The following SLC14A2 variants were observed in gnomAD, a reference collection of about 807,000 sequenced individuals.
SLC14A2 encodes the protein solute carrier family 14 member 2, also known as urea transporter 2.
A neutral mutation model predicts 104.6 loss-of-function variants in SLC14A2; 91 were observed. That is an observed-to-expected ratio of 0.87 (90% CI 0.73 to 1.04). The LOEUF is 1.04. SLC14A2 is among the 50% of genes least tolerant of loss of function. SLC14A2 has a pLI of 0.00. For missense variants in SLC14A2, 1,189 were observed against 1,156.0 expected (o/e 1.03, Z -0.41); for synonymous variants, 476 against 466.4 (o/e 1.02, Z -0.27).
intron 2 of SLC14A2, among the ~76,000 whole-genome samples, chr18:45,496,533 A>T (rs1036982538): frequency 6.6e-6 from 1 of 152,206 alleles, no homozygotes; most frequent in Non-Finnish European, 1.5e-5. Flanking sequence ...CACTTTAGGA[A>T]GCTGAGGCAG....
intron 10 of SLC14A2, among the ~76,000 whole-genome samples, chr18:45,660,562 A>G (rs1567998441): frequency 6.6e-6 from 1 of 152,236 alleles, no homozygotes; most frequent in Non-Finnish European, 1.5e-5. Flanking sequence ...CATCATTTAC[A>G]GTTTGGGTTT....
intron 2 of SLC14A2, among the ~76,000 whole-genome samples, chr18:45,606,765 A>C (rs1280180418): frequency 5.4e-5 from 4 of 73,636 alleles, no homozygotes; most frequent in Non-Finnish European, 6.2e-5. Context: ...AAAACAAAAA[A>C]AAAAAACACT....
rs147856907 is a variant in SLC14A2, at chr18:45,427,478, C to T, written c.-124-55755C>T. Among the ~76,000 whole-genome samples the T allele has an allele frequency of 4.7e-3, 717 of 152,230 alleles. 5 individuals carry two copies. The highest frequency in any genetic ancestry group is 0.017 in the African/African-American group (688 of 41,538). On this transcript the variant is annotated intron_variant, in intron 1 of 20. Coordinates refer to the SLC14A2 transcript ENST00000586448. Reference sequence around the variant, plus strand: ...TTCCTCCTGACAGTCATGCTTTCTACTTCAAATTATTGGGTGCAGGCAGAC... The same window carrying T: ...TTCCTCCTGACAGTCATGCTTTCTATTTCAAATTATTGGGTGCAGGCAGAC...
chr18:45,576,314 C>A (rs1338791029), intron 2 of SLC14A2, among the ~76,000 whole-genome samples: 2 of 130,514 alleles, frequency 1.5e-5, no homozygotes, highest in African/African-American at 5.7e-5. Flanking sequence ...CTCTCTCACT[C>A]ACTCTGTCGC....
At chr18:45,549,137 C>G (rs1375239348) in intron 2 of SLC14A2, among the ~76,000 whole-genome samples, 2 of 152,194 alleles carry the variant, frequency 1.3e-5, no homozygotes, top group South Asian at 4.1e-4. Context: ...GTAAAATGGA[C>G]AAAGGACTGG....
intron 1 of SLC14A2, among the ~76,000 whole-genome samples, chr18:45,219,437 C>T (rs2084040916): frequency 6.6e-6 from 1 of 151,992 alleles, no homozygotes; most frequent in Non-Finnish European, 1.5e-5. Context: ...GCATATTCAC[C>T]ACAAAGGAAA....
At chr18:45,238,976 C>T (rs150629560) in intron 1 of SLC14A2, among the ~76,000 whole-genome samples, 2 of 152,174 alleles carry the variant, frequency 1.3e-5, no homozygotes, top group East Asian at 1.9e-4. Context: ...AAAACAAAGA[C>T]ACTATTAGCA....
At chr18:45,512,251 C>T (rs1024748803) in intron 2 of SLC14A2, among the ~76,000 whole-genome samples, 1 of 152,036 alleles carries the variant, frequency 6.6e-6, no homozygotes. Context: ...AGGTGAGGGT[C>T]CCAAATGAGT....
chr18:45,578,475 T>C (rs2044444313), intron 2 of SLC14A2, among the ~76,000 whole-genome samples: 1 of 152,170 alleles, frequency 6.6e-6, no homozygotes, highest in Non-Finnish European at 1.5e-5. Flanking sequence ...AAATGTAGTG[T>C]TGTCGAACTG....
intron 1 of SLC14A2, among the ~76,000 whole-genome samples, chr18:45,406,334 C>G (rs1394107712): frequency 2.0e-5 from 3 of 152,164 alleles, no homozygotes; most frequent in Non-Finnish European, 2.9e-5. Context: ...CATGAGATTG[C>G]AGCAATTCAG....
At chr18:45,653,724 G>T (rs2045781265) in intron 10 of SLC14A2, among the ~76,000 whole-genome samples, 2 of 152,078 alleles carry the variant, frequency 1.3e-5, no homozygotes, top group East Asian at 3.9e-4. Context: ...CAGGACCCCA[G>T]TCAGCAGGAA....
chr18:45,426,852 T>C (rs1038013155), intron 1 of SLC14A2, among the ~76,000 whole-genome samples: 3 of 151,896 alleles, frequency 2.0e-5, no homozygotes, highest in African/African-American at 7.3e-5. Context: ...GTCATGTGAG[T>C]GTGTGTTAGG....
the SLC14A2 span, among the ~76,000 whole-genome samples, chr18:45,173,005 C>T: frequency 6.6e-6 from 1 of 152,032 alleles, no homozygotes; most frequent in Non-Finnish European, 1.5e-5. Context: ...TGAGGCAAGG[C>T]ATAAAGAACA....
chr18:45,219,552 G>A (rs1270893215), intron 1 of SLC14A2, among the ~76,000 whole-genome samples: 2 of 152,282 alleles, frequency 1.3e-5, no homozygotes, highest in African/African-American at 2.4e-5. Flanking sequence ...ATTCAGTGGG[G>A]GCTATATGAG....
At chr18:45,247,939 G>A (rs1200956178) in intron 1 of SLC14A2, among the ~76,000 whole-genome samples, 2 of 152,032 alleles carry the variant, frequency 1.3e-5, no homozygotes, top group African/African-American at 2.4e-5. Context: ...TGTCCCTGGG[G>A]CCCATAACAT....
intron 1 of SLC14A2, among the ~76,000 whole-genome samples, chr18:45,327,360 TTACCATGCTAAATGTAGCCCAGTG>T (rs2085246059): frequency 6.6e-6 from 1 of 152,182 alleles, no homozygotes; most frequent in South Asian, 2.1e-4. Context: ...TTTACCATTT[TTACCATGCTAAATGTAGCCCAGTG>T]TACCATGCTA....
chr18:45,176,120 C>T, the SLC14A2 span, among the ~76,000 whole-genome samples: 3 of 152,122 alleles, frequency 2.0e-5, no homozygotes, highest in Non-Finnish European at 2.9e-5. Flanking sequence ...TCTGCCAACC[C>T]CTAGGAAGAG....
At chr18:45,188,256 T>C in the SLC14A2 span, among the ~76,000 whole-genome samples, 5 of 152,298 alleles carry the variant, frequency 3.3e-5, no homozygotes, top group Admixed American at 2.6e-4. Flanking sequence ...AGTAGTGCTA[T>C]GTCTTGCCCC....
chr18:45,267,851 AAGACT>A (rs1255960255), intron 1 of SLC14A2, among the ~76,000 whole-genome samples: 3 of 152,206 alleles, frequency 2.0e-5, no homozygotes, highest in African/African-American at 7.2e-5. Flanking sequence ...AGCAGCATTC[AAGACT>A]AGACTAAACA....
Sources: allele counts gnomAD v4.1 joint callset (sites outside exome capture counted in the v4.1 genomes callset), GRCh38; gene constraint gnomAD v4.1.1; transcripts MANE v1.5; gene names NCBI Gene and HGNC (gene_info 2026-07-23, HGNC 2026-07-21).